HCN1: variants seen among roughly 807,000 people sequenced by gnomAD.
HCN1 encodes hyperpolarization activated cyclic nucleotide gated potassium channel 1.
HCN1 carries 13 observed loss-of-function variants against 78.9 expected under a neutral mutation model. The observed-to-expected ratio is 0.16, with a 90% CI of 0.11 to 0.26. The LOEUF (loss-of-function observed/expected upper bound fraction) is 0.26, where lower values mean the gene tolerates loss of function less well. Ranked by LOEUF, HCN1 falls within the 10% of genes least tolerant of loss-of-function variation. The pLI is 1.00. For missense variants in HCN1, 810 were observed against 1,154.3 expected, an observed-to-expected ratio of 0.70 and a Z score of 4.32; for synonymous variants, 552 against 455.5, an observed-to-expected ratio of 1.21 and a Z score of -2.70.
chr5:45,655,721 G>A (rs922723743), intron 1 of HCN1, among the ~76,000 whole-genome samples: 19 of 152,050 alleles, frequency 1.2e-4, no homozygotes, highest in Admixed American at 9.8e-4. Context: ...GGCTCAAAGT[G>A]ATAGCTCCCT....
chr5:45,409,428 T>C (rs1739985465), intron 3 of HCN1, among the ~76,000 whole-genome samples: 1 of 152,102 alleles, frequency 6.6e-6, no homozygotes, highest in African/African-American at 2.4e-5. Context: ...GAAATGTGTA[T>C]GCTGATAAGC....
chr5:45,438,890 T>C (rs1740617093), intron 3 of HCN1, among the ~76,000 whole-genome samples: 1 of 152,152 alleles, frequency 6.6e-6, no homozygotes, highest in African/African-American at 2.4e-5. Context: ...GACTAATATG[T>C]TTCTACTAGC....
At chr5:45,421,214 C>T (rs1263606375) in intron 3 of HCN1, among the ~76,000 whole-genome samples, 1 of 152,108 alleles carries the variant, frequency 6.6e-6, no homozygotes, top group East Asian at 1.9e-4. Context: ...AGGCGCCAGC[C>T]ACCAAGCCCG....
chr5:45,440,549 C>T (rs1326624854), intron 3 of HCN1, among the ~76,000 whole-genome samples: 2 of 152,152 alleles, frequency 1.3e-5, no homozygotes, highest in East Asian at 3.9e-4. Flanking sequence ...TGTGTTCTTG[C>T]TCTCCCCCAG....
At chr5:45,654,911 C>T (rs1009366056) in intron 1 of HCN1, among the ~76,000 whole-genome samples, 1 of 152,132 alleles carries the variant, frequency 6.6e-6, no homozygotes, top group Non-Finnish European at 1.5e-5. Flanking sequence ...TGCATATTTT[C>T]AAATCATCCA....
intron 4 of HCN1, among the ~76,000 whole-genome samples, chr5:45,366,024 C>T (rs895442092): frequency 6.6e-6 from 1 of 151,780 alleles, no homozygotes; most frequent in African/African-American, 2.4e-5. Context: ...TCTAGAGATA[C>T]TATTTCACAC....
chr5:45,267,507 C>T (rs189829164), intron 6 of HCN1, among the ~76,000 whole-genome samples: 19 of 151,114 alleles, frequency 1.3e-4, no homozygotes, highest in Admixed American at 9.9e-4. Context: ...CAGTGGCTCA[C>T]GCCTGTAATC....
intron 2 of HCN1, among the ~76,000 whole-genome samples, chr5:45,533,844 G>A (rs1381335299): frequency 6.6e-6 from 1 of 152,118 alleles, no homozygotes; most frequent in Non-Finnish European, 1.5e-5. Context: ...TGGTGACATT[G>A]TCCCAAGAAG....
intron 1 of HCN1, among the ~76,000 whole-genome samples, chr5:45,661,119 G>T (rs1745926854): frequency 6.7e-6 from 1 of 148,778 alleles, no homozygotes; most frequent in African/African-American, 2.5e-5. Flanking sequence ...AGACCACGGT[G>T]CAATCAAACT....
At chr5:45,694,002 T>C (rs1739959199) in intron 1 of HCN1, among the ~76,000 whole-genome samples, 1 of 152,168 alleles carries the variant, frequency 6.6e-6, no homozygotes, top group African/African-American at 2.4e-5. Context: ...ATATTTCCAT[T>C]GGGGACTGAG....
At chr5:45,399,859 T>C (rs558583865) in intron 3 of HCN1, among the ~76,000 whole-genome samples, 1 of 152,142 alleles carries the variant, frequency 6.6e-6, no homozygotes, top group Non-Finnish European at 1.5e-5. Flanking sequence ...AAAAATAAGA[T>C]TTAATTTTAA....
At chr5:45,320,188 T>G (rs1002266772) in intron 5 of HCN1, among the ~76,000 whole-genome samples, 1 of 151,842 alleles carries the variant, frequency 6.6e-6, no homozygotes, top group Non-Finnish European at 1.5e-5. Flanking sequence ...AAGACATCCC[T>G]ACCTGGAGAT....
chr5:45,373,974 G>T (rs1283830194), intron 4 of HCN1, among the ~76,000 whole-genome samples: 1 of 62,586 alleles, frequency 1.6e-5, no homozygotes, highest in African/African-American at 6.3e-5. Context: ...ATTACATACA[G>T]TAGATACATA....
chr5:45,505,963 C>T (rs1742287899), intron 2 of HCN1, among the ~76,000 whole-genome samples: 1 of 152,048 alleles, frequency 6.6e-6, no homozygotes, highest in South Asian at 2.1e-4. Flanking sequence ...ATCATTATAT[C>T]TTGGTAAGTT....
intron 3 of HCN1, among the ~76,000 whole-genome samples, chr5:45,425,183 G>A (rs1740320433): frequency 6.6e-6 from 1 of 152,120 alleles, no homozygotes; most frequent in South Asian, 2.1e-4. Context: ...AACAGCATAA[G>A]TTAACTGCAG....
chr5:45,353,257 G>A lies in HCN1; in HGVS notation c.1231-11C>T, dbSNP rs775883111. ...TTCCACTTGCTTATACTGTAAGGAA[G>A]GGAAAATAAAATTAAAAAAAAACAT... On this transcript the variant is annotated splice_polypyrimidine_tract_variant and intron_variant, in intron 4 of 7. Coordinates refer to ENST00000303230, the MANE Select transcript of HCN1 (RefSeq NM_021072.4). 9.5e-6 allele frequency: 15 copies of A among 1,584,252 alleles called. No homozygotes were observed. The highest frequency in any genetic ancestry group is 1.7e-5 in the Admixed American group (1 of 59,686).
At chr5:45,596,889 A>G (rs1368152831) in intron 2 of HCN1, among the ~76,000 whole-genome samples, 2 of 152,204 alleles carry the variant, frequency 1.3e-5, no homozygotes, top group East Asian at 3.8e-4. Context: ...AAAGGCAAGG[A>G]ACTAGAGAAA....
chr5:45,346,906 C>G (rs1746729907), intron 5 of HCN1, among the ~76,000 whole-genome samples: 2 of 152,234 alleles, frequency 1.3e-5, no homozygotes, highest in African/African-American at 4.8e-5. Context: ...GGAGGCCTGC[C>G]TGCCTCTGTA....
At chr5:45,353,065 TATGTATTATGCATA>T in intron 5 of HCN1, 21 bp downstream of exon 5, 1 of 1,538,076 alleles carries the variant, frequency 6.5e-7, no homozygotes, top group Non-Finnish European at 9.0e-7. Flanking sequence ...AAACAATGAT[TATGTATTATGCATA>T]CTGAGGACAA....
Sources: allele counts gnomAD v4.1 joint callset (sites outside exome capture counted in the v4.1 genomes callset), GRCh38; gene constraint gnomAD v4.1.1; transcripts MANE v1.5; gene names NCBI Gene and HGNC (gene_info 2026-07-23, HGNC 2026-07-21).